ELF2: variants seen among roughly 807,000 people sequenced by gnomAD.
The protein encoded by ELF2 is ETS-related transcription factor Elf-2.
Under a neutral mutation model 54.8 loss-of-function variants are expected in ELF2, and 11 were observed. The ratio of observed to expected loss-of-function variants is 0.20; its 90% confidence interval spans 0.13 to 0.33. ELF2 has a LOEUF of 0.33. ELF2 is among the 10% of genes least tolerant of loss of function. The probability of loss-of-function intolerance (pLI) is 1.00; values close to 1 mark genes in which losing one functional copy is unlikely to be tolerated. For synonymous variants in ELF2, 203 were observed against 245.1 expected, an observed-to-expected ratio of 0.83 and a Z score of 1.61; for missense variants, 513 against 703.0, an observed-to-expected ratio of 0.73 and a Z score of 3.06.
At chr4:139,104,429 G>A (rs1734210031) in intron 4 of ELF2, among the ~76,000 whole-genome samples, 1 of 148,306 alleles carries the variant, frequency 6.7e-6, no homozygotes, top group African/African-American at 2.5e-5. Context: ...AGAATAACTT[G>A]AGCCCGAAAG....
rs2148659424 is a variant in ELF2, at chr4:139,060,370, T to C, written c.1111A>G (p.Arg371Gly). The C allele has an allele frequency of 1.9e-6, 3 of 1,613,732 alleles. No homozygotes were observed. The highest frequency in any genetic ancestry group is 1.7e-6 in the Non-Finnish European group (2 of 1,179,862). The change falls in exon 9 of 10, where the codon AGG becomes GGG. Residue 371 changes from arginine (R) to glycine (G), a missense_variant. Around this residue, in one of 3 missense-constraint regions of ELF2, gnomAD observed 291 missense variants for 366.1 expected, o/e 0.79. Transcript: ENST00000686138. ...ACAGATGCAGTGGTAGTAGGAGACC[T>C]GGATGAAGCATCGTGCCCAGGGGAA... ...ITSPGHDASS[R>G]SPTTTASVSA... is the part of the protein sequence containing the mutation.
intron 3 of ELF2, among the ~76,000 whole-genome samples, chr4:139,131,640 C>A (rs1737496621): frequency 6.6e-6 from 1 of 152,074 alleles, no homozygotes; most frequent in Admixed American, 6.6e-5. Flanking sequence ...CTGAAAAATG[C>A]CGTTTGGCAG....
intron 1 of ELF2, among the ~76,000 whole-genome samples, chr4:139,141,406 T>A (rs987866011): frequency 6.6e-6 from 1 of 152,124 alleles, no homozygotes; most frequent in Non-Finnish European, 1.5e-5. Flanking sequence ...TATGCACACA[T>A]ATATAAAGCC....
chr4:139,177,666 T>A (rs959168807), upstream of ELF2, among the ~76,000 whole-genome samples: 3 of 151,878 alleles, frequency 2.0e-5, no homozygotes, highest in Admixed American at 1.3e-4. Context: ...GTGAGGCCGA[T>A]GGGGCCGCGC....
At chr4:139,102,119 G>A (rs1733934525) in intron 4 of ELF2, 1 of 151,922 alleles carries the variant, frequency 6.6e-6, no homozygotes, top group Non-Finnish European at 1.5e-5. Context: ...TTCATTCTCA[G>A]TAATTATTCT....
chr4:139,116,689 G>A (rs1161328861), intron 4 of ELF2: 1 of 985,188 alleles, frequency 1.0e-6, no homozygotes, highest in Non-Finnish European at 1.2e-6. Context: ...TTCACCTTCA[G>A]GTAATCCTAG....
At chr4:139,085,609 T>C (rs1208786733) in intron 4 of ELF2, among the ~76,000 whole-genome samples, 2 of 152,202 alleles carry the variant, frequency 1.3e-5, no homozygotes, top group African/African-American at 4.8e-5. Context: ...CTTGGTCCTT[T>C]TACCCTACCC....
At chr4:139,127,438 C>G (rs1247308848) in intron 3 of ELF2, among the ~76,000 whole-genome samples, 1 of 152,170 alleles carries the variant, frequency 6.6e-6, no homozygotes, top group African/African-American at 2.4e-5. Context: ...CTATCTTCTC[C>G]TGGAAGCCTT....
chr4:139,116,827 A>T lies in ELF2; in HGVS notation c.238+8337T>A, dbSNP rs551358396. 979 of 624,004 alleles carry T rather than the reference A, an allele frequency of 1.6e-3. 1 individual carries two copies. The highest frequency in any genetic ancestry group is 3.8e-3 in the Admixed American group (61 of 15,878). The allele number at this position is 624,004 out of a possible 1,614,324, so 38.7% of individuals were successfully genotyped here. A position where few individuals can be genotyped will look rare whatever the true frequency, so the allele number is the denominator to read the frequency against. ...GGATTTCTGATGGTATAACAAATAC[A>T]AAAGTTATGACAGCTCATCATGAAG... On this transcript the variant is annotated intron_variant, in intron 4 of 9. Coordinates refer to ENST00000686138, the MANE Select transcript of ELF2 (RefSeq NM_001331036.3).
chr4:139,095,348 C>G (rs1733140881), intron 4 of ELF2, among the ~76,000 whole-genome samples: 1 of 152,066 alleles, frequency 6.6e-6, no homozygotes, highest in African/African-American at 2.4e-5. Context: ...TCACGCCCAG[C>G]TAATTTTTGT....
At chr4:139,177,267 C>G (rs1743061604), upstream of ELF2, 1 of 150,288 alleles carries the variant, frequency 6.7e-6, no homozygotes, top group African/African-American at 2.4e-5. Flanking sequence ...CCACCCCCCG[C>G]CTCGGCTCCT....
At chr4:139,147,528 G>A (rs756801457) in intron 1 of ELF2, among the ~76,000 whole-genome samples, 52 of 152,120 alleles carry the variant, frequency 3.4e-4, no homozygotes, top group Non-Finnish European at 6.6e-4. Flanking sequence ...CTGGAGAGCA[G>A]TGGCGCGATC....
chr4:139,084,130 T>C (rs761410413), intron 4 of ELF2: 1 of 1,613,454 alleles, frequency 6.2e-7, no homozygotes, highest in South Asian at 1.1e-5. Flanking sequence ...CCCCTGTCCT[T>C]ACCGGCCCGG....
chr4:139,170,259 CTTTTTTTTTTTTTTT>C (rs70940499), intron 1 of ELF2, among the ~76,000 whole-genome samples: 1 of 89,292 alleles, frequency 1.1e-5, no homozygotes, highest in Non-Finnish European at 2.0e-5. Context: ...TCTTAATCGC[CTTTTTTTTTTTTTTT>C]TTTTTTTTGA....
intron 3 of ELF2, among the ~76,000 whole-genome samples, chr4:139,135,237 ATGTGTGTGTGTGTGTGTGTGTGTG>A (rs61122327): frequency 8.9e-6 from 1 of 112,398 alleles, no homozygotes; most frequent in African/African-American, 3.0e-5. Flanking sequence ...TACTATATAT[ATGTGTGTGTGTGTGTGTGTGTGTG>A]TGTGTGTGTG....
At position 139,059,681 on chromosome 4, in the gene ELF2, T is replaced by C. The variant is rs1431555707; in HGVS notation, c.1158-74A>G. The C allele has an allele frequency of 1.5e-5, 23 of 1,515,356 alleles. No homozygotes were observed. The Admixed American group carries it at 4.8e-4, about 31-fold the overall frequency. 93.9% of individuals were successfully genotyped at this position (1,515,356 alleles called of 1,614,324 possible). ...AAAATAGGTCTCCTGAGTAAAAGAT[T>C]AATACAAATCCAAAATGTGTAAAAT... On this transcript the variant is annotated intron_variant, in intron 9 of 9. Transcript: ENST00000686138.
chr4:139,104,959 C>T (rs7689973), intron 4 of ELF2, among the ~76,000 whole-genome samples: 27,467 of 152,106 alleles, frequency 0.18, 2,906 homozygotes, highest in South Asian at 0.34. Flanking sequence ...GCTCATTTTT[C>T]GCAACTTAGT....
intron 1 of ELF2, among the ~76,000 whole-genome samples, chr4:139,175,050 G>A (rs1322131108): frequency 6.6e-6 from 1 of 152,152 alleles, no homozygotes; most frequent in Non-Finnish European, 1.5e-5. Flanking sequence ...CCTGCAAAAT[G>A]GAGTAATTTT....
At chr4:139,157,207 A>G (rs544006303) in intron 1 of ELF2, among the ~76,000 whole-genome samples, 127 of 152,276 alleles carry the variant, frequency 8.3e-4, no homozygotes, top group Non-Finnish European at 1.6e-3. Flanking sequence ...CTCTAACACA[A>G]TGGAAAGTAT....
Sources: allele counts gnomAD v4.1 joint callset (sites outside exome capture counted in the v4.1 genomes callset), GRCh38; gene constraint gnomAD v4.1.1; regional missense constraint gnomAD v4.1.1; transcripts MANE v1.5; gene names NCBI Gene and HGNC (gene_info 2026-07-23, HGNC 2026-07-21).